GRIN2B: variants seen among roughly 807,000 people sequenced by gnomAD.
GRIN2B encodes the protein glutamate ionotropic receptor NMDA type subunit 2B.
In GRIN2B, 5 loss-of-function variants were observed where a neutral mutation model predicts 114.5. That is an observed-to-expected ratio of 0.04 (90% CI 0.02 to 0.09). The LOEUF (loss-of-function observed/expected upper bound fraction) is 0.09, where lower values mean the gene tolerates loss of function less well. Ranked by LOEUF, GRIN2B falls within the 10% of genes least tolerant of loss-of-function variation. The pLI is 1.00. For missense variants in GRIN2B, 1,108 were observed against 1,943.5 expected (o/e 0.57, Z 8.08); for synonymous variants, 787 against 745.1 (o/e 1.06, Z -0.92).
At chr12:13,701,650 C>T (rs141264381) in intron 4 of GRIN2B, among the ~76,000 whole-genome samples, 1 of 152,280 alleles carries the variant, frequency 6.6e-6, no homozygotes, top group East Asian at 1.9e-4. Context: ...ACTGCACCAT[C>T]CAGGCAAGAT....
At chr12:13,839,068 C>T (rs1342523314) in intron 3 of GRIN2B, among the ~76,000 whole-genome samples, 1 of 148,168 alleles carries the variant, frequency 6.7e-6, no homozygotes. Flanking sequence ...AAAAGAGGTG[C>T]CACCAAGGAC....
intron 4 of GRIN2B, among the ~76,000 whole-genome samples, chr12:13,681,779 G>A (rs1210784955): frequency 6.6e-6 from 1 of 152,128 alleles, no homozygotes; most frequent in South Asian, 2.1e-4. Context: ...CTCTAGTGAA[G>A]CAAATTAACT....
At chr12:13,981,173 A>G (rs1391231871) in intron 1 of GRIN2B, among the ~76,000 whole-genome samples, 169 bp downstream of exon 1, 1 of 144,928 alleles carries the variant, frequency 6.9e-6, no homozygotes, top group Non-Finnish European at 1.5e-5. Context: ...AAAAAAAAAA[A>G]CCTTTAAAAA....
intron 11 of GRIN2B, among the ~76,000 whole-genome samples, chr12:13,570,814 G>C (rs1948697660): frequency 1.3e-5 from 2 of 152,192 alleles, no homozygotes; most frequent in South Asian, 2.1e-4. Flanking sequence ...ACAGGCAATA[G>C]AGAGGTCTGC....
intron 8 of GRIN2B, among the ~76,000 whole-genome samples, chr12:13,612,701 A>C (rs1454556026): frequency 2.0e-5 from 3 of 152,200 alleles, no homozygotes; most frequent in African/African-American, 7.2e-5. Context: ...TGAGCTAAAT[A>C]TCTCTCTGGC....
At chr12:13,586,163 A>G (rs1027160803) in intron 10 of GRIN2B, among the ~76,000 whole-genome samples, 1 of 152,222 alleles carries the variant, frequency 6.6e-6, no homozygotes, top group Non-Finnish European at 1.5e-5. Context: ...TCATTCAAAC[A>G]TATTCAGTGA....
At chr12:13,572,574 C>T (rs1355336815) in intron 10 of GRIN2B, among the ~76,000 whole-genome samples, 1 of 152,142 alleles carries the variant, frequency 6.6e-6, no homozygotes, top group African/African-American at 2.4e-5. Flanking sequence ...TAATTATGTT[C>T]CCTTTCTTGC....
chr12:13,643,415 G>C (rs547611102), intron 5 of GRIN2B, among the ~76,000 whole-genome samples: 1 of 152,048 alleles, frequency 6.6e-6, no homozygotes, highest in East Asian at 1.9e-4. Flanking sequence ...AAAATACTTC[G>C]TTGCTAGAAA....
intron 2 of GRIN2B, 80 bp downstream of exon 2, chr12:13,979,848 A>C (rs1863099774): frequency 6.6e-6 from 1 of 152,186 alleles, no homozygotes; most frequent in Non-Finnish European, 1.5e-5. Flanking sequence ...AAAAAGATCC[A>C]CTTGAGGGAC....
chr12:13,864,316 G>C (rs1253176289), intron 3 of GRIN2B, among the ~76,000 whole-genome samples: 1 of 152,178 alleles, frequency 6.6e-6, no homozygotes, highest in Non-Finnish European at 1.5e-5. Flanking sequence ...TCTCGGCTCA[G>C]CTGCTCCACT....
At chr12:13,742,221 T>C (rs996151391) in intron 4 of GRIN2B, among the ~76,000 whole-genome samples, 1 of 152,244 alleles carries the variant, frequency 6.6e-6, no homozygotes, top group East Asian at 1.9e-4. Context: ...GTTATACAAC[T>C]CTGCTTTTCA....
chr12:13,850,901 A>G (rs993449053), intron 3 of GRIN2B, among the ~76,000 whole-genome samples: 1 of 152,100 alleles, frequency 6.6e-6, no homozygotes, highest in African/African-American at 2.4e-5. Flanking sequence ...CTCTTTCTTC[A>G]TCTGTAAAAG....
At chr12:13,831,225 A>G (rs79037786) in intron 3 of GRIN2B, among the ~76,000 whole-genome samples, 7,256 of 152,314 alleles carry the variant, frequency 0.048, 470 homozygotes, top group African/African-American at 0.15. Context: ...TACAGCCTGC[A>G]GAAGTGTAAG....
In GRIN2B at chr12:13,834,116, T is replaced by C. The variant is rs189862716; in HGVS notation, c.411+31682A>G. ...TGCAATCTTGGCTCACTGCAAGCTC[T>C]GCCTCCCGTGTTCATGCCATTCTCC... On this transcript the variant is annotated intron_variant, in intron 3 of 13. Coordinates refer to ENST00000609686, the MANE Select transcript of GRIN2B (RefSeq NM_000834.5). Among the ~76,000 whole-genome samples the C allele has an allele frequency of 5.1e-4, 71 of 140,504 alleles. No individual in the cohort carries two copies. The East Asian group carries it at 0.015, about 29-fold the overall frequency. The allele number at this position is 140,504 out of a possible 152,430, so 92.2% of individuals were successfully genotyped here. A position where few individuals can be genotyped will look rare whatever the true frequency, so the allele number is the denominator to read the frequency against.
chr12:13,974,888 G>C (rs1014465458), intron 2 of GRIN2B, among the ~76,000 whole-genome samples: 7 of 152,000 alleles, frequency 4.6e-5, no homozygotes, highest in Non-Finnish European at 1.0e-4. Context: ...GTGTAAAAGA[G>C]ACTAAGAGAC....
At chr12:13,775,511 G>A (rs1296198225) in intron 3 of GRIN2B, among the ~76,000 whole-genome samples, 1 of 152,226 alleles carries the variant, frequency 6.6e-6, no homozygotes. Flanking sequence ...AGTACTGGGA[G>A]GCAGGTATTT....
chr12:13,742,073 CT>C (rs1863297198), intron 4 of GRIN2B, among the ~76,000 whole-genome samples: 2 of 152,262 alleles, frequency 1.3e-5, no homozygotes, highest in South Asian at 4.1e-4. Context: ...AGTTCTCTGA[CT>C]TTTTATACCT....
In GRIN2B at chr12:13,563,274, C is replaced by G. The variant is rs200255226; in HGVS notation, c.3964G>C (p.Val1322Leu). The G allele has an allele frequency of 4.3e-6, 7 of 1,614,228 alleles. No homozygotes were observed. Among genetic ancestry groups the G allele is most frequent in the Non-Finnish European group, 5.9e-6 (7 of 1,180,040 alleles). Residue 1322 changes from valine (V) to leucine (L), a missense_variant, in exon 14 of 14, where the codon GTA becomes CTA. Physicochemically the swap from Val to Leu is conservative, Grantham distance 32. This residue lies in a region of GRIN2B where 478 missense variants were observed against 506.0 expected (regional missense o/e 0.94). Transcript: ENST00000609686. ...KEEAALAPRSVSLKDKGRFMD... is the reference protein window; with the variant it reads ...KEEAALAPRSLSLKDKGRFMD... ...AATCGGCCCTTGTCTTTCAGGCTTA[C>G]GCTGCGCGGGGCCAGGGCGGCTTCT...
chr12:13,604,402 A>ATAAC (rs1949209056), intron 10 of GRIN2B, among the ~76,000 whole-genome samples: 1 of 152,242 alleles, frequency 6.6e-6, no homozygotes, highest in Non-Finnish European at 1.5e-5. Flanking sequence ...AAAGCTGAAG[A>ATAAC]TAACTTTTTA....
Sources: allele counts gnomAD v4.1 joint callset (sites outside exome capture counted in the v4.1 genomes callset), GRCh38; gene constraint gnomAD v4.1.1; regional missense constraint gnomAD v4.1.1; transcripts MANE v1.5; gene names NCBI Gene and HGNC (gene_info 2026-07-23, HGNC 2026-07-21).